Variants in PTPRF observed in about 807,000 individuals in gnomAD.
PTPRF encodes the protein protein tyrosine phosphatase receptor type F, also known as receptor-type tyrosine-protein phosphatase F.
Under a neutral mutation model 201.8 loss-of-function variants are expected in PTPRF, and 59 were observed. The observed-to-expected ratio is 0.29, with a 90% confidence interval of 0.24 to 0.36. The LOEUF is 0.36. Ranked by LOEUF, PTPRF falls within the 10% of genes least tolerant of loss-of-function variation. PTPRF has a pLI of 1.00. For synonymous variants in PTPRF, 1,088 were observed against 1,089.7 expected, an observed-to-expected ratio of 1.00 and a Z score of 0.03; for missense variants, 2,132 against 2,690.5, an observed-to-expected ratio of 0.79 and a Z score of 4.59.
intron 5 of PTPRF, among the ~76,000 whole-genome samples, chr1:43,560,340 C>G (rs1645720147): frequency 6.6e-6 from 1 of 151,996 alleles, no homozygotes; most frequent in Admixed American, 6.5e-5. Flanking sequence ...TGGTGTGCAG[C>G]AGGCTGTGTG....
At position 43,622,896 on chromosome 1, in the gene PTPRF, AG is replaced by A. The variant is rs1486885342; in HGVS notation, c.*894del. 1.3e-5 allele frequency: 2 copies of A among 152,462 alleles called. No homozygotes were observed. 9.4% of individuals were successfully genotyped at this position (152,462 alleles called of 1,614,324 possible). On this transcript the variant is annotated 3_prime_UTR_variant, in exon 34 of 34. Transcript: ENST00000359947. The stretch of plus-strand genomic sequence containing the variant: ...AAAAACAAAAAAAACAAAAAACCCA[AG>A]AAAAAAAAAAAGAGTCAGCCCTTGG...
In PTPRF at chr1:43,555,442, C is replaced by CTT. The variant is rs986469997; in HGVS notation, c.379+1521_379+1522dup. Among the ~76,000 whole-genome samples, 792 of 115,524 alleles carry CTT rather than the reference C, an allele frequency of 6.9e-3. 12 individuals are homozygous for CTT. Among genetic ancestry groups the CTT allele is most frequent in the Non-Finnish European group, 0.01 (560 of 55,180 alleles). The allele number at this position is 115,524 out of a possible 152,430, so 75.8% of individuals were successfully genotyped here. ...CTAAATATTCTTCTGTATCATTATT[C>CTT]TTTTTTTTTTTTTTTTTTTTTGAGA... On this transcript the variant is annotated intron_variant, in intron 5 of 33. Coordinates refer to ENST00000359947, the MANE Select transcript of PTPRF (RefSeq NM_002840.5).
chr1:43,599,771 T>TCC (rs1299708788), intron 13 of PTPRF, among the ~76,000 whole-genome samples: 1 of 152,154 alleles, frequency 6.6e-6, no homozygotes, highest in African/African-American at 2.4e-5. Context: ...ATTCAGCAAG[T>TCC]AGGTGGCTGC....
chr1:43,609,736 C>T (rs1000407641), intron 22 of PTPRF, among the ~76,000 whole-genome samples: 3 of 152,372 alleles, frequency 2.0e-5, no homozygotes, highest in Admixed American at 1.3e-4. Context: ...GGTGGCAAAG[C>T]CACTTAGCCA....
Position 43,548,524 on chromosome 1 carries a change from T to G in PTPRF, c.91+3358T>G, listed in dbSNP as rs1644825582. Reference sequence around the variant, plus strand: ...GGGACTTCCCGCAGATTCCGTTGCTTTCTCTCTCTGGGCCTGTTTTCCTAT... The same window carrying G: ...GGGACTTCCCGCAGATTCCGTTGCTGTCTCTCTCTGGGCCTGTTTTCCTAT... On this transcript the variant is annotated intron_variant, in intron 3 of 33. Transcript: ENST00000359947. Among the ~76,000 whole-genome samples the G allele has an allele frequency of 2.0e-5, 3 of 152,098 alleles. No individual in the cohort carries two copies. The South Asian group carries it at 6.2e-4, about 32-fold the overall frequency.
intron 12 of PTPRF, chr1:43,598,288 G>C (rs894553631): frequency 1.2e-5 from 6 of 501,172 alleles, no homozygotes; most frequent in South Asian, 4.1e-5. Context: ...GGGAGAAGCA[G>C]CCCTGTCTAA....
intron 3 of PTPRF, among the ~76,000 whole-genome samples, chr1:43,545,763 T>C (rs1644628543): frequency 6.6e-6 from 1 of 152,000 alleles, no homozygotes; most frequent in African/African-American, 2.4e-5. Context: ...GGGGGGAAGA[T>C]TGTGTTTGGC....
rs1478613119 is a variant in PTPRF at position 43,622,236 on chromosome 1, C to T, written c.*233C>T. On this transcript the variant is annotated 3_prime_UTR_variant, in exon 34 of 34. Coordinates refer to ENST00000359947, the MANE Select transcript of PTPRF (RefSeq NM_002840.5). ...CAGGCACTGTGGCCCTTCTGTCCAC[C>T]AGACCCACCTGGAGCCCGCTTCAAG... The T allele has an allele frequency of 5.5e-6, 3 of 550,412 alleles. No homozygotes were observed. In the East Asian group the frequency reaches 9.0e-5, roughly 17 times the overall value. The allele number at this position is 550,412 out of a possible 1,614,324, so 34.1% of individuals were successfully genotyped here. A position where few individuals can be genotyped will look rare whatever the true frequency, so the allele number is the denominator to read the frequency against.
At chr1:43,522,967 G>C (rs1248939248), upstream of PTPRF, among the ~76,000 whole-genome samples, 1 of 152,224 alleles carries the variant, frequency 6.6e-6, no homozygotes, top group East Asian at 1.9e-4. Context: ...GAGGGGCAGA[G>C]CAGATGTAGA....
At position 43,602,466 on chromosome 1, in the gene PTPRF, G is replaced by A. The variant is rs114823673; in HGVS notation, c.2340+369G>A. ...GCTGGGAGGGCTGTCTGGAGAGTCG[G>A]ATTCTGGCATTGGTGCATTCTGGAG... On this transcript the variant is annotated intron_variant, in intron 14 of 33. Transcript: ENST00000359947. Among the ~76,000 whole-genome samples the A allele has an allele frequency of 4.1e-3, 632 of 152,340 alleles. 8 individuals carry two copies. Among genetic ancestry groups the A allele is most frequent in the African/African-American group, 0.015 (616 of 41,586 alleles).
intron 6 of PTPRF, 74 bp downstream of exon 6, chr1:43,569,852 A>G: frequency 6.8e-7 from 1 of 1,472,322 alleles, no homozygotes; most frequent in East Asian, 2.4e-5. Flanking sequence ...AGCACAGCCT[A>G]CTCCCTTGGG....
intron 2 of PTPRF, among the ~76,000 whole-genome samples, chr1:43,540,700 A>G (rs2153958310): frequency 6.6e-6 from 1 of 152,334 alleles, no homozygotes; most frequent in East Asian, 1.9e-4. Flanking sequence ...GACTCAGTCC[A>G]GCTGGTGGGA....
chr1:43,563,348 A>G (rs1197447198), intron 5 of PTPRF, among the ~76,000 whole-genome samples: 2 of 152,242 alleles, frequency 1.3e-5, no homozygotes, highest in African/African-American at 4.8e-5. Context: ...CGAGTTGGTG[A>G]GTCCAGTTAG....
At chr1:43,606,735 C>T in intron 20 of PTPRF, 79 bp from the exon 21 acceptor site, 2 of 1,554,544 alleles carry the variant, frequency 1.3e-6, no homozygotes, top group Non-Finnish European at 1.7e-6. Context: ...ACCCAGAGCC[C>T]TTTCTCCAGG....
chr1:43,612,886 C>A, intron 22 of PTPRF: 2 of 1,129,762 alleles, frequency 1.8e-6, no homozygotes, highest in East Asian at 1.0e-4. Context: ...CCCATCGCCT[C>A]CATCCTTCCT....
intron 7 of PTPRF, chr1:43,583,093 G>A (rs1648161828): frequency 1.0e-6 from 1 of 985,652 alleles, no homozygotes; most frequent in Non-Finnish European, 1.2e-6. Flanking sequence ...TCAGCGAGAA[G>A]GTTGGTCCTT....
intron 33 of PTPRF, 60 bp from the exon 34 acceptor site, chr1:43,621,875 G>A: frequency 6.6e-7 from 1 of 1,524,394 alleles, no homozygotes; most frequent in Non-Finnish European, 9.1e-7. Context: ...GTGAGTGTCA[G>A]CTGTGTAGTG....
chr1:43,530,851 G>A (rs925397428), upstream of PTPRF: 2 of 152,056 alleles, frequency 1.3e-5, no homozygotes, highest in South Asian at 1.8e-4. This position sits in a 1 kb window ranked among gnomAD's most constrained non-coding sequence, Gnocchi z 4.1. Context: ...GCGAGCGCGA[G>A]GGGAGCGCGC....
chr1:43,570,412 G>A (rs1646489346), intron 6 of PTPRF, among the ~76,000 whole-genome samples: 1 of 152,246 alleles, frequency 6.6e-6, no homozygotes, highest in Non-Finnish European at 1.5e-5. Context: ...AACAGAGCAG[G>A]CGGGAAAAGA....
Sources: gnomAD v4.1 joint callset for allele counts (sites outside exome capture counted in the v4.1 genomes callset) on GRCh38, gnomAD v4.1.1 for gene constraint, Gnocchi (gnomAD v3.1) non-coding constraint, MANE v1.5 for transcripts, NCBI Gene and HGNC (gene_info 2026-07-23, HGNC 2026-07-21) for gene names.